LYPD6: variants seen among roughly 807,000 people sequenced by gnomAD.
The protein encoded by LYPD6 is LY6/PLAUR domain containing 6.
Under a neutral mutation model 22.7 loss-of-function variants are expected in LYPD6, and 15 were observed. The ratio of observed to expected loss-of-function variants is 0.66; its 90% confidence interval spans 0.44 to 1.02. The LOEUF is 1.02. Among genes scored for constraint, LYPD6 ranks in the 50% least tolerant of loss-of-function variants. The pLI, the probability that LYPD6 is intolerant of heterozygous loss-of-function variation, is 0.00. For missense variants in LYPD6, 189 were observed against 208.4 expected (o/e 0.91, Z 0.57); for synonymous variants, 72 against 77.5 (o/e 0.93, Z 0.37).
intron 1 of LYPD6, among the ~76,000 whole-genome samples, chr2:149,346,200 T>C (rs1681252832): frequency 6.6e-6 from 1 of 151,196 alleles, no homozygotes; most frequent in East Asian, 1.9e-4. Context: ...TTAAAAAATA[T>C]TTTTTTTTGT....
intron 1 of LYPD6, among the ~76,000 whole-genome samples, chr2:149,431,171 A>G (rs1683303756): frequency 6.6e-6 from 1 of 152,228 alleles, no homozygotes; most frequent in Non-Finnish European, 1.5e-5. Flanking sequence ...GAAAGGTCAC[A>G]GAACTGTGAA....
rs115398031 is a variant in LYPD6, at chr2:149,421,521, G to A, written c.-71-16117G>A. ...GGGATTACAGAAAGCACCTATGGAA[G>A]CACCTTGCACCTACTAGGTTGAGCC... is the stretch of plus-strand genomic sequence containing the variant. On this transcript the variant is annotated intron_variant, in intron 1 of 4. Transcript: ENST00000334166. Among the ~76,000 whole-genome samples, 1,043 of 152,022 alleles carry A rather than the reference G, an allele frequency of 6.9e-3. 13 individuals are homozygous for A. The highest frequency in any genetic ancestry group is 0.023 in the African/African-American group (969 of 41,448).
chr2:149,476,832 G>C (rs1047101571), downstream of LYPD6, among the ~76,000 whole-genome samples: 19 of 152,152 alleles, frequency 1.2e-4, no homozygotes, highest in African/African-American at 4.3e-4. Flanking sequence ...GATGGCTACT[G>C]GTCCAACTTC....
intron 2 of LYPD6, among the ~76,000 whole-genome samples, chr2:149,438,111 G>T (rs1233880150): frequency 6.6e-6 from 1 of 152,204 alleles, no homozygotes; most frequent in Non-Finnish European, 1.5e-5. Flanking sequence ...TCCTAAGTCA[G>T]CTTTTAAAGT....
At chr2:149,352,546 C>T (rs1681377345) in intron 1 of LYPD6, among the ~76,000 whole-genome samples, 1 of 152,144 alleles carries the variant, frequency 6.6e-6, no homozygotes, top group Non-Finnish European at 1.5e-5. Context: ...GAGACCTTGC[C>T]TACTGGCTGG....
At chr2:149,368,188 C>T (rs951628956) in intron 1 of LYPD6, 15 of 152,266 alleles carry the variant, frequency 9.9e-5, no homozygotes, top group Admixed American at 9.8e-4. Flanking sequence ...TCAAGGAAGG[C>T]TTCCTGGAAG....
chr2:149,471,538 G>A lies in LYPD6; in HGVS notation c.*688G>A, dbSNP rs1681334384. ...TTTTCCTCAACTTAATGGAGCCACTGTCCATAAAGTGGCTGTTATCCCTTC... is the reference window on the plus strand; with the variant it reads ...TTTTCCTCAACTTAATGGAGCCACTATCCATAAAGTGGCTGTTATCCCTTC... On this transcript the variant is annotated 3_prime_UTR_variant, in exon 5 of 5. Transcript: ENST00000334166. The A allele has an allele frequency of 6.6e-6, 1 of 152,328 alleles. No homozygotes were observed. The highest frequency in any genetic ancestry group is 6.5e-5 in the Admixed American group (1 of 15,296). 9.4% of individuals were successfully genotyped at this position (152,328 alleles called of 1,614,324 possible). A position where few individuals can be genotyped will look rare whatever the true frequency, so the allele number is the denominator to read the frequency against.
chr2:149,443,691 A>G (rs1190654220), intron 2 of LYPD6, among the ~76,000 whole-genome samples: 3 of 152,112 alleles, frequency 2.0e-5, no homozygotes, highest in Non-Finnish European at 2.9e-5. Context: ...AGAGTATTGC[A>G]TGGCTTTGGC....
At chr2:149,485,179 G>A in the LYPD6 span, among the ~76,000 whole-genome samples, 1 of 152,186 alleles carries the variant, frequency 6.6e-6, no homozygotes, top group Non-Finnish European at 1.5e-5. Flanking sequence ...TACATCTTGA[G>A]ATGGAGAAGG....
intron 1 of LYPD6, among the ~76,000 whole-genome samples, chr2:149,430,679 A>G (rs915410150): frequency 4.6e-5 from 7 of 152,110 alleles, no homozygotes; most frequent in African/African-American, 1.7e-4. Context: ...AAATATTTAG[A>G]TTTGTATTTG....
At chr2:149,458,956 T>C (rs1475266603) in intron 3 of LYPD6, among the ~76,000 whole-genome samples, 2 of 152,192 alleles carry the variant, frequency 1.3e-5, no homozygotes, top group Admixed American at 1.3e-4. Flanking sequence ...TATGGAGCTG[T>C]AACAAATGTT....
intron 3 of LYPD6, chr2:149,464,073 G>T: frequency 2.5e-6 from 1 of 407,320 alleles, no homozygotes; most frequent in Admixed American, 3.8e-5. Context: ...CCTTACAAAT[G>T]CATGGGAATC....
intron 2 of LYPD6, among the ~76,000 whole-genome samples, chr2:149,440,607 T>C (rs1683540313): frequency 6.6e-6 from 1 of 151,914 alleles, no homozygotes; most frequent in Non-Finnish European, 1.5e-5. Context: ...CCATAACTTA[T>C]GATGGGAATA....
At chr2:149,441,283 A>G (rs1044300995) in intron 2 of LYPD6, among the ~76,000 whole-genome samples, 8 of 152,206 alleles carry the variant, frequency 5.3e-5, no homozygotes, top group African/African-American at 1.9e-4. Context: ...TCTTTTGTGA[A>G]TGAGCCACAT....
rs1339404979 is a variant in LYPD6, at chr2:149,471,271, A to G, written c.*421A>G. 6.5e-6 allele frequency: 1 copy of G among 153,938 alleles called. No homozygotes were observed. Among genetic ancestry groups the G allele is most frequent in the Non-Finnish European group, 1.4e-5 (1 of 69,308 alleles). 9.5% of individuals were successfully genotyped at this position (153,938 alleles called of 1,614,324 possible). A position where few individuals can be genotyped will look rare whatever the true frequency, so the allele number is the denominator to read the frequency against. ...AGTAACCATTGGTTTAAATATAATC[A>G]TGAGTTCATTTGTAGCTTTAGAATT... On this transcript the variant is annotated 3_prime_UTR_variant, in exon 5 of 5. Coordinates refer to ENST00000334166, the MANE Select transcript of LYPD6 (RefSeq NM_194317.5).
At chr2:149,442,405 A>G (rs1051516054) in intron 2 of LYPD6, among the ~76,000 whole-genome samples, 2 of 152,184 alleles carry the variant, frequency 1.3e-5, no homozygotes, top group African/African-American at 4.8e-5. Flanking sequence ...AGATTATTTT[A>G]CAGGAAGTAA....
At chr2:149,414,217 TATTAGA>T (rs954232183) in intron 1 of LYPD6, among the ~76,000 whole-genome samples, 3 of 152,178 alleles carry the variant, frequency 2.0e-5, no homozygotes, top group Non-Finnish European at 2.9e-5. Context: ...AATTTCAGAG[TATTAGA>T]ATAAGATATA....
intron 1 of LYPD6, among the ~76,000 whole-genome samples, chr2:149,340,266 A>G (rs2105048191): frequency 6.6e-6 from 1 of 152,308 alleles, no homozygotes; most frequent in East Asian, 1.9e-4. Flanking sequence ...ATATTAGCCC[A>G]GATGTACATG....
chr2:149,334,672 T>C (rs1681001276), intron 1 of LYPD6, among the ~76,000 whole-genome samples: 1 of 151,444 alleles, frequency 6.6e-6, no homozygotes, highest in African/African-American at 2.4e-5. Context: ...CCAGAAGGAC[T>C]GGGGGCCAAG....
Sources: gnomAD v4.1 joint callset for allele counts (sites outside exome capture counted in the v4.1 genomes callset) on GRCh38, gnomAD v4.1.1 for gene constraint, MANE v1.5 for transcripts, NCBI Gene and HGNC (gene_info 2026-07-23, HGNC 2026-07-21) for gene names.